DPP10: variants seen among roughly 807,000 people sequenced by gnomAD.
DPP10 encodes the protein dipeptidyl peptidase like 10.
A neutral mutation model predicts 120.9 loss-of-function variants in DPP10; 33 were observed. The ratio of observed to expected loss-of-function variants is 0.27; its 90% CI spans 0.21 to 0.37. The LOEUF is 0.37. DPP10 is among the 10% of genes least tolerant of loss of function. DPP10 has a pLI of 1.00. For missense variants in DPP10, 816 were observed against 942.8 expected (o/e 0.87, Z 1.76); for synonymous variants, 337 against 326.1 (o/e 1.03, Z -0.36).
At chr2:115,348,950 C>T (rs2063852690) in intron 3 of DPP10, among the ~76,000 whole-genome samples, 1 of 152,056 alleles carries the variant, frequency 6.6e-6, no homozygotes, top group African/African-American at 2.4e-5. Context: ...AGTGGTCAAC[C>T]CTTCACCAAC....
intron 5 of DPP10, among the ~76,000 whole-genome samples, chr2:115,682,733 G>C (rs1413624975): frequency 6.6e-6 from 1 of 151,788 alleles, no homozygotes; most frequent in Non-Finnish European, 1.5e-5. Flanking sequence ...TTTAATATTT[G>C]AGTCATCAGC....
chr2:115,139,021 C>T (rs1216211824), intron 1 of DPP10, among the ~76,000 whole-genome samples: 1 of 152,136 alleles, frequency 6.6e-6, no homozygotes, highest in Non-Finnish European at 1.5e-5. Context: ...GTGATGCATG[C>T]AGATTTATTA....
intron 3 of DPP10, among the ~76,000 whole-genome samples, chr2:115,457,658 C>T (rs1399489888): frequency 2.7e-5 from 2 of 75,326 alleles, no homozygotes; most frequent in East Asian, 3.3e-4. Flanking sequence ...ACAAGAATAC[C>T]TATAATCAAA....
intron 4 of DPP10, among the ~76,000 whole-genome samples, chr2:115,518,653 T>C (rs2077631271): frequency 6.6e-6 from 1 of 152,150 alleles, no homozygotes; most frequent in Admixed American, 6.6e-5. Context: ...TTTAAAATAA[T>C]AATTATATTA....
intron 1 of DPP10, among the ~76,000 whole-genome samples, chr2:114,525,156 A>C (rs1044202837): frequency 6.6e-6 from 1 of 152,194 alleles, no homozygotes; most frequent in Non-Finnish European, 1.5e-5. Flanking sequence ...TTTATATTGT[A>C]TTAGAAATAA....
At chr2:115,806,502 T>A (rs1346943211) in intron 19 of DPP10, among the ~76,000 whole-genome samples, 1 of 152,136 alleles carries the variant, frequency 6.6e-6, no homozygotes, top group Non-Finnish European at 1.5e-5. Context: ...GATAAATGGA[T>A]TTTTAGAATG....
chr2:115,352,135 A>G (rs1364987637), intron 3 of DPP10, among the ~76,000 whole-genome samples: 1 of 152,112 alleles, frequency 6.6e-6, no homozygotes, highest in African/African-American at 2.4e-5. Context: ...TCTATCACCT[A>G]GGTATGCAAT....
intron 1 of DPP10, among the ~76,000 whole-genome samples, chr2:114,796,006 C>CCAGTTG (rs1461692806): frequency 6.6e-6 from 1 of 152,092 alleles, no homozygotes; most frequent in South Asian, 2.1e-4. Context: ...GTAGCCACCT[C>CCAGTTG]CAGTTGCTAT....
At chr2:114,824,726 AATTG>A (rs1686380597) in intron 1 of DPP10, among the ~76,000 whole-genome samples, 1 of 152,172 alleles carries the variant, frequency 6.6e-6, no homozygotes, top group African/African-American at 2.4e-5. Context: ...AAATAGCGTT[AATTG>A]ATTAAAAAGT....
At chr2:115,151,923 T>C (rs1420547561) in intron 1 of DPP10, among the ~76,000 whole-genome samples, 1 of 152,124 alleles carries the variant, frequency 6.6e-6, no homozygotes, top group Non-Finnish European at 1.5e-5. Context: ...TATCCTCTTA[T>C]TTTCCTTCTA....
chr2:115,515,911 G>C (rs2077481341), intron 4 of DPP10, among the ~76,000 whole-genome samples: 1 of 151,998 alleles, frequency 6.6e-6, no homozygotes, highest in Non-Finnish European at 1.5e-5. Flanking sequence ...CACACACACT[G>C]AACACCTTCT....
At chr2:115,540,035 TG>T (rs2079086977) in intron 5 of DPP10, among the ~76,000 whole-genome samples, 1 of 151,812 alleles carries the variant, frequency 6.6e-6, no homozygotes, top group Non-Finnish European at 1.5e-5. Context: ...GTGTATAGTG[TG>T]GGGGTCTCTA....
intron 7 of DPP10, among the ~76,000 whole-genome samples, chr2:115,695,499 CAGG>C (rs914077889): frequency 3.3e-5 from 5 of 152,006 alleles, no homozygotes; most frequent in African/African-American, 1.2e-4. Context: ...TGGCAGTGGG[CAGG>C]AGGGCATGTG....
At chr2:115,148,634 T>C (rs2051361818) in intron 1 of DPP10, among the ~76,000 whole-genome samples, 1 of 152,084 alleles carries the variant, frequency 6.6e-6, no homozygotes, top group Non-Finnish European at 1.5e-5. Flanking sequence ...TTTTATATTT[T>C]TTAATAGCTA....
intron 1 of DPP10, among the ~76,000 whole-genome samples, chr2:115,141,899 G>A (rs891969161): frequency 9.2e-5 from 14 of 152,210 alleles, no homozygotes; most frequent in Admixed American, 5.2e-4. Context: ...TCAGCCTCCC[G>A]TGTAGGGGGG....
chr2:114,697,114 C>T (rs1700113379), intron 1 of DPP10, among the ~76,000 whole-genome samples: 1 of 152,054 alleles, frequency 6.6e-6, no homozygotes, highest in Admixed American at 6.6e-5. Flanking sequence ...AGGTCCTTCA[C>T]TAACACCTTT....
chr2:115,174,566 T>A (rs1275117889), intron 1 of DPP10, among the ~76,000 whole-genome samples: 2 of 152,228 alleles, frequency 1.3e-5, no homozygotes, highest in African/African-American at 4.8e-5. Context: ...TGTGGGCCTA[T>A]GTAATAGCAA....
chr2:115,289,100 G>A (rs1444128427), intron 1 of DPP10, among the ~76,000 whole-genome samples: 3 of 152,004 alleles, frequency 2.0e-5, no homozygotes, highest in Admixed American at 6.6e-5. Flanking sequence ...GTAAAGGCTC[G>A]GGTTACAAAA....
chr2:114,993,312 T>C (rs965487947), intron 1 of DPP10, among the ~76,000 whole-genome samples: 2 of 151,964 alleles, frequency 1.3e-5, no homozygotes, highest in Non-Finnish European at 2.9e-5. Context: ...TGTGACTTAC[T>C]TGTCATTGCA....
Sources: gnomAD v4.1 joint callset for allele counts (sites outside exome capture counted in the v4.1 genomes callset) on GRCh38, gnomAD v4.1.1 for gene constraint, MANE v1.5 for transcripts, NCBI Gene and HGNC (gene_info 2026-07-23, HGNC 2026-07-21) for gene names.